COL5A2: variants seen among roughly 807,000 people sequenced by gnomAD.
The protein encoded by COL5A2 is collagen type V alpha 2 chain, also known as collagen alpha-2(V) chain.
Under a neutral mutation model 208.2 loss-of-function variants are expected in COL5A2, and 23 were observed. The observed-to-expected ratio is 0.11, with a 90% confidence interval of 0.08 to 0.16. The LOEUF (loss-of-function observed/expected upper bound fraction) is 0.16. Ranked by LOEUF, COL5A2 falls within the 10% of genes least tolerant of loss-of-function variation. COL5A2 has a pLI of 1.00. For missense variants in COL5A2, 1,590 were observed against 1,956.4 expected (o/e 0.81, Z 3.53); for synonymous variants, 625 against 628.5 (o/e 0.99, Z 0.08).
chr2:189,396,137 A>T, the COL5A2 span, among the ~76,000 whole-genome samples: 1,274 of 152,256 alleles, frequency 8.4e-3, 18 homozygotes, highest in African/African-American at 0.029. Flanking sequence ...TGTTGGCTTA[A>T]GAAATTTATA....
the COL5A2 span, among the ~76,000 whole-genome samples, chr2:189,354,335 G>T: frequency 6.6e-6 from 1 of 152,088 alleles, no homozygotes; most frequent in South Asian, 2.1e-4. Context: ...CTATTGTTTG[G>T]AATAGTTTCT....
At chr2:189,111,558 G>A (rs1302332667) in intron 1 of COL5A2, among the ~76,000 whole-genome samples, 3 of 145,584 alleles carry the variant, frequency 2.1e-5, no homozygotes, top group Non-Finnish European at 1.5e-5. Flanking sequence ...ATCTCCCCGC[G>A]AAATTCTTTT....
the COL5A2 span, among the ~76,000 whole-genome samples, chr2:189,290,717 TACACACACAC>T: frequency 2.1e-4 from 29 of 136,616 alleles, no homozygotes; most frequent in East Asian, 3.0e-3. Context: ...TTTTTGTTAA[TACACACACAC>T]ACACACACAC....
At chr2:189,159,419 G>A (rs562431668) in intron 1 of COL5A2, among the ~76,000 whole-genome samples, 30 of 152,248 alleles carry the variant, frequency 2.0e-4, no homozygotes, top group South Asian at 1.5e-3. Flanking sequence ...ATATTTGGCC[G>A]ATGACTGTTT....
At chr2:189,318,451 GT>G in the COL5A2 span, among the ~76,000 whole-genome samples, 1 of 152,052 alleles carries the variant, frequency 6.6e-6, no homozygotes. Context: ...TATTCTTCTA[GT>G]TATTTGGTTC....
At chr2:189,109,610 T>C (rs1240911261) in intron 2 of COL5A2, among the ~76,000 whole-genome samples, 1 of 152,196 alleles carries the variant, frequency 6.6e-6, no homozygotes, top group East Asian at 1.9e-4. Context: ...CATGTATCTT[T>C]AAAATATGTA....
At chr2:189,224,443 C>G (rs537961230) in intron 1 of COL5A2, among the ~76,000 whole-genome samples, 1 of 152,104 alleles carries the variant, frequency 6.6e-6, no homozygotes, top group South Asian at 2.1e-4. Flanking sequence ...AATCCCAGTA[C>G]CTTGGGAGGC....
chr2:189,257,193 G>C, the COL5A2 span, among the ~76,000 whole-genome samples: 2 of 152,076 alleles, frequency 1.3e-5, no homozygotes, highest in Non-Finnish European at 2.9e-5. Context: ...CAATATATGA[G>C]AGCCAATTTA....
At chr2:189,253,426 A>G in the COL5A2 span, among the ~76,000 whole-genome samples, 1 of 152,222 alleles carries the variant, frequency 6.6e-6, no homozygotes, top group Non-Finnish European at 1.5e-5. Flanking sequence ...AATACTCCAT[A>G]CCGAGTTCTT....
Position 189,069,531 on chromosome 2 carries a change from T to C in COL5A2, c.1159-647A>G, listed in dbSNP as rs529561644. Among the ~76,000 whole-genome samples the C allele has an allele frequency of 8.5e-5, 13 of 152,308 alleles. No individual in the cohort carries two copies. The East Asian group carries it at 2.5e-3, about 29-fold the overall frequency. ...GCTTAAAGAGGTTGTTTCTGTTCAA[T>C]GTAAAGCTAGATATTTCAAGTCTAA... On this transcript the variant is annotated intron_variant, in intron 18 of 53. Transcript: ENST00000374866.
At chr2:189,288,201 A>T in the COL5A2 span, among the ~76,000 whole-genome samples, 1 of 152,230 alleles carries the variant, frequency 6.6e-6, no homozygotes, top group Non-Finnish European at 1.5e-5. Context: ...TGATTTCAGC[A>T]TGTTATAACA....
the COL5A2 span, among the ~76,000 whole-genome samples, chr2:189,344,964 C>T: frequency 1.3e-5 from 2 of 152,150 alleles, no homozygotes; most frequent in African/African-American, 2.4e-5. Context: ...GACTAGGTCC[C>T]GCTACTCATC....
In COL5A2 at chr2:189,100,244, T is replaced by A. The variant is rs55765720; in HGVS notation, c.337-105A>T. On this transcript the variant is annotated intron_variant, in intron 3 of 53. Coordinates refer to ENST00000374866, the MANE Select transcript of COL5A2 (RefSeq NM_000393.5). ...ATGCCATGTAAACACAGGGAATTTC[T>A]ATGTAAGAAATGCAAAAAACTACAA... 0.13 allele frequency: 113,826 copies of A among 867,550 alleles called. 8,173 individuals carry two copies. Among genetic ancestry groups the A allele is most frequent in the Middle Eastern group, 0.23 (971 of 4,182 alleles). The allele number at this position is 867,550 out of a possible 1,614,324, so 53.7% of individuals were successfully genotyped here.
chr2:189,273,345 C>CA, the COL5A2 span, among the ~76,000 whole-genome samples: 71 of 149,256 alleles, frequency 4.8e-4, no homozygotes, highest in African/African-American at 9.8e-4. Context: ...ATCAAAAATA[C>CA]AAAAAAAAAG....
Position 189,110,984 on chromosome 2 carries a change from T to TA in COL5A2, c.98-536dup. Among the ~76,000 whole-genome samples, 2 of 152,314 alleles carry TA rather than the reference T, an allele frequency of 1.3e-5. 1 individual carries two copies. Among genetic ancestry groups the TA allele is most frequent in the South Asian group, 4.1e-4 (2 of 4,832 alleles). On this transcript the variant is annotated intron_variant, in intron 1 of 53. Transcript: ENST00000374866. ...ATTAAAATTATTTTTAAATGTACAG[T>TA]AAAAAAGTATAACCATGTCCCATTT... is the stretch of plus-strand genomic sequence containing the variant.
the COL5A2 span, among the ~76,000 whole-genome samples, chr2:189,410,562 T>A: frequency 1.3e-5 from 2 of 151,860 alleles, no homozygotes; most frequent in Non-Finnish European, 2.9e-5. Flanking sequence ...TGACACCCTG[T>A]CTCTTAAAAA....
At chr2:189,329,357 C>A in the COL5A2 span, among the ~76,000 whole-genome samples, 1 of 152,074 alleles carries the variant, frequency 6.6e-6, no homozygotes, top group African/African-American at 2.4e-5. Flanking sequence ...GGACAAAGGG[C>A]ACAAAGTTTC....
At chr2:189,440,704 G>T in the COL5A2 span, among the ~76,000 whole-genome samples, 1 of 152,146 alleles carries the variant, frequency 6.6e-6, no homozygotes, top group South Asian at 2.1e-4. Context: ...GAGATAAACT[G>T]GCAAAAATAA....
chr2:189,392,876 A>G, the COL5A2 span, among the ~76,000 whole-genome samples: 2 of 152,164 alleles, frequency 1.3e-5, no homozygotes, highest in Non-Finnish European at 2.9e-5. Context: ...TATCTACCCT[A>G]AAGGTACTAC....
Sources: allele counts gnomAD v4.1 joint callset (sites outside exome capture counted in the v4.1 genomes callset), GRCh38; gene constraint gnomAD v4.1.1; transcripts MANE v1.5; gene names NCBI Gene and HGNC (gene_info 2026-07-23, HGNC 2026-07-21).